ARHGAP15: variants seen among roughly 807,000 people sequenced by gnomAD.
ARHGAP15 encodes the protein rho GTPase-activating protein 15.
ARHGAP15 carries 51 observed loss-of-function variants against 63.7 expected under a neutral mutation model. The observed-to-expected ratio is 0.80, with a 90% CI of 0.64 to 1.01. The LOEUF (loss-of-function observed/expected upper bound fraction) is 1.01, where lower values mean the gene tolerates loss of function less well. Ranked by LOEUF, ARHGAP15 falls within the 50% of genes least tolerant of loss-of-function variation. The probability of loss-of-function intolerance (pLI) is 0.00; values close to 1 mark genes in which losing one functional copy is unlikely to be tolerated. For synonymous variants in ARHGAP15, 191 were observed against 193.8 expected (o/e 0.99, Z 0.12); for missense variants, 560 against 564.6 (o/e 0.99, Z 0.08).
rs1680234353 is a variant in ARHGAP15, at chr2:143,635,048, G to GGACA, written c.1138+10790_1138+10793dup. On this transcript the variant is annotated intron_variant, in intron 12 of 13. Coordinates refer to ENST00000295095, the MANE Select transcript of ARHGAP15 (RefSeq NM_018460.4). ...CCAAAATGTTATCAGTTGAACACAG[G>GGACA]GACAGACAGACACACACACACACGT... Among the ~76,000 whole-genome samples, 3 of 151,564 alleles carry GGACA rather than the reference G, an allele frequency of 2.0e-5. No homozygotes were observed. The South Asian group carries it at 6.3e-4, about 32-fold the overall frequency.
rs542931244 is a variant in ARHGAP15 at position 143,286,565 on chromosome 2, T to G, written c.474+35965T>G. 2.0e-5 allele frequency among the ~76,000 whole-genome samples: 3 copies of G among 152,358 alleles called. No homozygotes were observed. The South Asian group carries it at 6.2e-4, about 32-fold the overall frequency. On this transcript the variant is annotated intron_variant, in intron 6 of 13. Coordinates refer to ENST00000295095, the MANE Select transcript of ARHGAP15 (RefSeq NM_018460.4). ...CACCCATATGTATACATGTAATGAA[T>G]TCCTATACAATTAAATGCACTGCTT...
intron 6 of ARHGAP15, among the ~76,000 whole-genome samples, chr2:143,404,074 T>C (rs1688098902): frequency 6.6e-6 from 1 of 151,988 alleles, no homozygotes; most frequent in African/African-American, 2.4e-5. Context: ...ATGATGTAGC[T>C]ATGATATTAA....
chr2:143,759,756 G>A (rs1435678276), intron 13 of ARHGAP15, among the ~76,000 whole-genome samples: 1 of 151,928 alleles, frequency 6.6e-6, no homozygotes, highest in East Asian at 1.9e-4. Context: ...CCCTTCCTTA[G>A]AGAGGGCTTC....
chr2:143,319,253 C>A (rs1683882535), intron 6 of ARHGAP15, among the ~76,000 whole-genome samples: 1 of 146,036 alleles, frequency 6.8e-6, no homozygotes, highest in African/African-American at 2.6e-5. Flanking sequence ...AATATGGTGT[C>A]TCACTCTGTT....
At chr2:143,298,856 C>G (rs1682766857) in intron 6 of ARHGAP15, among the ~76,000 whole-genome samples, 1 of 151,836 alleles carries the variant, frequency 6.6e-6, no homozygotes. Flanking sequence ...TTGTTTTACA[C>G]TTATTATCTT....
intron 6 of ARHGAP15, among the ~76,000 whole-genome samples, chr2:143,410,953 C>T (rs1407458751): frequency 6.6e-6 from 1 of 152,030 alleles, no homozygotes; most frequent in Non-Finnish European, 1.5e-5. Flanking sequence ...CCTGTAATCT[C>T]AGCACTTTGG....
At chr2:143,719,199 C>T (rs1368556492) in intron 13 of ARHGAP15, among the ~76,000 whole-genome samples, 1 of 152,220 alleles carries the variant, frequency 6.6e-6, no homozygotes, top group East Asian at 1.9e-4. Context: ...TCTTCATAGT[C>T]TTCCCTATAT....
chr2:143,338,758 C>T (rs1240648048), intron 6 of ARHGAP15, among the ~76,000 whole-genome samples: 1 of 152,176 alleles, frequency 6.6e-6, no homozygotes, highest in East Asian at 1.9e-4. Flanking sequence ...AGAAAGATCA[C>T]AAAACCTGTG....
intron 11 of ARHGAP15, among the ~76,000 whole-genome samples, chr2:143,569,341 T>C (rs1333460967): frequency 1.3e-5 from 2 of 152,206 alleles, no homozygotes; most frequent in Non-Finnish European, 2.9e-5. Context: ...CACAAGATAA[T>C]TTCAGATGAT....
chr2:143,547,558 T>A (rs1179291145), intron 10 of ARHGAP15, among the ~76,000 whole-genome samples: 1 of 63,440 alleles, frequency 1.6e-5, no homozygotes, highest in Non-Finnish European at 3.4e-5. Context: ...TAGATAAGCA[T>A]CTCCAATTAT....
chr2:143,653,702 G>T (rs1559104892), intron 12 of ARHGAP15, among the ~76,000 whole-genome samples: 1 of 152,050 alleles, frequency 6.6e-6, no homozygotes, highest in Non-Finnish European at 1.5e-5. Flanking sequence ...AATACTACCT[G>T]CCCCCCATAC....
At chr2:143,216,691 TA>T (rs1461364553) in intron 4 of ARHGAP15, among the ~76,000 whole-genome samples, 2 of 152,162 alleles carry the variant, frequency 1.3e-5, no homozygotes, top group African/African-American at 2.4e-5. Flanking sequence ...CTTGAACTCA[TA>T]AAACACTGAA....
At chr2:143,461,980 C>T (rs1690964674) in intron 8 of ARHGAP15, among the ~76,000 whole-genome samples, 1 of 151,976 alleles carries the variant, frequency 6.6e-6, no homozygotes, top group African/African-American at 2.4e-5. Context: ...TGGCAAAACC[C>T]CATCTCTACA....
intron 13 of ARHGAP15, among the ~76,000 whole-genome samples, chr2:143,717,066 T>C (rs1684840099): frequency 6.6e-6 from 1 of 152,276 alleles, no homozygotes. Flanking sequence ...TTAATGCTTG[T>C]GTGTGTGCAT....
chr2:143,686,741 A>T (rs1018273550), intron 12 of ARHGAP15, among the ~76,000 whole-genome samples: 1 of 152,194 alleles, frequency 6.6e-6, no homozygotes, highest in African/African-American at 2.4e-5. Context: ...GACACTTCTA[A>T]GATTAACCAA....
intron 1 of ARHGAP15, among the ~76,000 whole-genome samples, chr2:143,151,776 C>G (rs554201997): frequency 2.0e-5 from 3 of 151,976 alleles, no homozygotes; most frequent in South Asian, 2.1e-4. Context: ...AGAAAGGGCT[C>G]TAAGTGGGAC....
chr2:143,379,199 A>T (rs193186325), intron 6 of ARHGAP15, among the ~76,000 whole-genome samples: 2 of 152,112 alleles, frequency 1.3e-5, no homozygotes. Flanking sequence ...AATGGGAGTG[A>T]AGGTTGAGAA....
intron 11 of ARHGAP15, among the ~76,000 whole-genome samples, chr2:143,582,007 T>C (rs1309277290): frequency 6.6e-6 from 1 of 152,186 alleles, no homozygotes; most frequent in Non-Finnish European, 1.5e-5. Context: ...CAAGTGTCTA[T>C]GATGTGAAGA....
At chr2:143,358,935 A>G (rs77010753) in intron 6 of ARHGAP15, among the ~76,000 whole-genome samples, 1 of 151,876 alleles carries the variant, frequency 6.6e-6, no homozygotes, top group African/African-American at 2.4e-5. Flanking sequence ...AAAAAAAAAA[A>G]CCAACTGATA....
Sources: gnomAD v4.1 joint callset for allele counts (sites outside exome capture counted in the v4.1 genomes callset) on GRCh38, gnomAD v4.1.1 for gene constraint, MANE v1.5 for transcripts, NCBI Gene and HGNC (gene_info 2026-07-23, HGNC 2026-07-21) for gene names.